The following ZFC3H1 variants were observed in gnomAD, a reference collection of about 807,000 sequenced individuals.
ZFC3H1 encodes the protein zinc finger C3H1 domain-containing protein.
ZFC3H1 carries 71 observed loss-of-function variants against 243.7 expected under a neutral mutation model. That is an observed-to-expected ratio of 0.29 (90% CI 0.24 to 0.36). The LOEUF (loss-of-function observed/expected upper bound fraction) is 0.36. Ranked by LOEUF, ZFC3H1 falls within the 10% of genes least tolerant of loss-of-function variation. The probability of loss-of-function intolerance (pLI) is 1.00; values close to 1 mark genes in which losing one functional copy is unlikely to be tolerated. For missense variants in ZFC3H1, 1,966 were observed against 2,317.1 expected, an observed-to-expected ratio of 0.85 and a Z score of 3.11; for synonymous variants, 838 against 813.0, an observed-to-expected ratio of 1.03 and a Z score of -0.52.
In ZFC3H1 at chr12:71,613,619, A is replaced by G. The variant is rs189313139; in HGVS notation, c.5527-184T>C. 8 of 483,392 alleles carry G rather than the reference A, an allele frequency of 1.7e-5. No individual in the cohort carries two copies. In the Admixed American group the frequency reaches 3.0e-4, roughly 18 times the overall value. 29.9% of individuals were successfully genotyped at this position (483,392 alleles called of 1,614,324 possible). A position where few individuals can be genotyped will look rare whatever the true frequency, so the allele number is the denominator to read the frequency against. On this transcript the variant is annotated intron_variant, in intron 30 of 34. Transcript: ENST00000378743. ...ATTAGTGACTTTCCAAATATGAATTAGGAAATATGGTCTAGTGATGAGAGC... is the reference window on the plus strand; with the variant it reads ...ATTAGTGACTTTCCAAATATGAATTGGGAAATATGGTCTAGTGATGAGAGC...
intron 24 of ZFC3H1, among the ~76,000 whole-genome samples, chr12:71,622,055 T>C (rs890686890): frequency 6.6e-6 from 1 of 152,212 alleles, no homozygotes; most frequent in African/African-American, 2.4e-5. Flanking sequence ...ATCACTACTA[T>C]TGTCCAGCAC....
At chr12:71,616,786 A>G (rs897131266) in intron 27 of ZFC3H1, among the ~76,000 whole-genome samples, 2 of 152,188 alleles carry the variant, frequency 1.3e-5, no homozygotes, top group East Asian at 3.9e-4. Context: ...GAAGAAATAG[A>G]ACATCTAGAA....
intron 1 of ZFC3H1, among the ~76,000 whole-genome samples, chr12:71,659,912 A>G (rs1342109303): frequency 6.6e-6 from 1 of 152,216 alleles, no homozygotes; most frequent in African/African-American, 2.4e-5. Context: ...TGAAAGTTTA[A>G]AAGAGTAGTC....
intron 10 of ZFC3H1, among the ~76,000 whole-genome samples, chr12:71,635,099 A>G (rs1880427816): frequency 6.6e-6 from 1 of 152,192 alleles, no homozygotes; most frequent in Non-Finnish European, 1.5e-5. Flanking sequence ...TAAAAGTTGT[A>G]CTTAGAGAAT....
Position 71,614,684 on chromosome 12 carries a change from T to C in ZFC3H1, c.5377A>G (p.Asn1793Asp). ...KIWMDYLVFA[N>D]NRAAGSRNKV... ...TTTCTGGATCCAGCAGCTCTATTAT[T>C]TGCAAAGACAAGATAACTGCCAAAA... The change falls in exon 30 of 35, where the codon AAT becomes GAT. Residue 1793 changes from asparagine (N) to aspartate (D), a missense_variant. Transcript: ENST00000378743. 1 of 1,606,102 alleles carries C rather than the reference T, an allele frequency of 6.2e-7. No homozygotes were observed. Among genetic ancestry groups the C allele is most frequent in the Non-Finnish European group, 8.5e-7 (1 of 1,177,776 alleles).
intron 24 of ZFC3H1, among the ~76,000 whole-genome samples, chr12:71,621,406 C>T (rs1880024332): frequency 6.6e-6 from 1 of 151,824 alleles, no homozygotes; most frequent in African/African-American, 2.4e-5. Flanking sequence ...TGGGTTCAGG[C>T]AATTATCCTG....
In ZFC3H1 at chr12:71,644,308, T is replaced by G. The variant is rs781580326; in HGVS notation, c.1290A>C (p.Ala430=). 1 of 1,612,720 alleles carries G rather than the reference T, an allele frequency of 6.2e-7. No individual in the cohort carries two copies. Among genetic ancestry groups the G allele is most frequent in the Non-Finnish European group, 8.5e-7 (1 of 1,179,750 alleles). Residue 430 remains alanine, a synonymous_variant, in exon 5 of 35, where the codon GCA becomes GCC. Coordinates refer to ENST00000378743, the MANE Select transcript of ZFC3H1 (RefSeq NM_144982.5). ...AKKVSTTAKQ[A]LRKQQTKAWK... ...ATGCCTTTGTTTGCTGCTTCCTCAA[T>G]GCTTGTTTAGCTTTAAATAAAAAAC...
At chr12:71,617,087 C>T (rs1242314645) in intron 27 of ZFC3H1, among the ~76,000 whole-genome samples, 1 of 152,156 alleles carries the variant, frequency 6.6e-6, no homozygotes, top group Non-Finnish European at 1.5e-5. Flanking sequence ...CAGAATTCAA[C>T]TCCAGGTAAA....
intron 6 of ZFC3H1, among the ~76,000 whole-genome samples, chr12:71,640,955 C>T (rs893076122): frequency 6.6e-6 from 1 of 151,688 alleles, no homozygotes; most frequent in African/African-American, 2.4e-5. Context: ...GTTTTTAATG[C>T]ACATTTCTTC....
At chr12:71,628,202 T>C (rs1398081227) in intron 20 of ZFC3H1, among the ~76,000 whole-genome samples, 1 of 152,216 alleles carries the variant, frequency 6.6e-6, no homozygotes, top group East Asian at 1.9e-4. Flanking sequence ...TGACATTACC[T>C]TTTCAGTCCA....
chr12:71,611,231 A>T (rs1879761115), intron 32 of ZFC3H1, 134 bp from the exon 33 acceptor site: 1 of 869,474 alleles, frequency 1.2e-6, no homozygotes, highest in Non-Finnish European at 1.6e-6. Flanking sequence ...CTGAAAGTTA[A>T]CAGGCTAAAC....
At chr12:71,638,543 T>A (rs762060189) in intron 6 of ZFC3H1, 28 bp from the exon 7 acceptor site, 33 of 1,531,584 alleles carry the variant, frequency 2.2e-5, no homozygotes, top group Admixed American at 3.9e-5. Context: ...GTTAAGAGTT[T>A]AATAACAGAA....
At chr12:71,614,307 T>C (rs546648274) in intron 30 of ZFC3H1, among the ~76,000 whole-genome samples, 1 of 152,034 alleles carries the variant, frequency 6.6e-6, no homozygotes, top group East Asian at 1.9e-4. Context: ...AAATGTTAAA[T>C]TTTCATAACC....
Position 71,633,349 on chromosome 12 carries a change from T to C in ZFC3H1, c.2600A>G (p.Lys867Arg). The C allele has an allele frequency of 6.2e-7, 1 of 1,603,820 alleles. No individual in the cohort carries two copies. Among genetic ancestry groups the C allele is most frequent in the Non-Finnish European group, 8.5e-7 (1 of 1,174,870 alleles). ...AAGCTGTTCTGTAAGTTTTGTAATC[T>C]TTGCTTCAGCATTTCTAACAGATTC... ...KKESVRNAEA[K>R]ITKLTEQLQA... The change falls in exon 13 of 35, where the codon AAG becomes AGG. Residue 867 changes from lysine to arginine, a missense_variant. Coordinates refer to ENST00000378743, the MANE Select transcript of ZFC3H1 (RefSeq NM_144982.5).
rs759547725 is a variant in ZFC3H1, at chr12:71,628,920, T to C, written c.3944A>G (p.Tyr1315Cys). 5 of 1,589,070 alleles carry C rather than the reference T, an allele frequency of 3.1e-6. No individual in the cohort carries two copies. Among genetic ancestry groups the C allele is most frequent in the Non-Finnish European group, 3.4e-6 (4 of 1,172,038 alleles). ...DEEQSTGPIK[Y>C]AFQPENQINV... ...TCTTAAATTACATAACTTCTTACCA[T>C]ACTTAATTGGTCCTGTAGACTGTTC... Residue 1315 changes from tyrosine (Y) to cysteine (C), a missense_variant and splice_region_variant, in exon 20 of 35, where the codon TAT becomes TGT. Physicochemically the swap from Tyr to Cys is radical, Grantham distance 194. This residue lies in a region of ZFC3H1 where 1,383 missense variants were observed against 1,723.7 expected (regional missense o/e 0.80). Transcript: ENST00000378743.
chr12:71,626,860 T>A (rs1387382201), intron 21 of ZFC3H1, among the ~76,000 whole-genome samples: 1 of 152,212 alleles, frequency 6.6e-6, no homozygotes, highest in Non-Finnish European at 1.5e-5. Flanking sequence ...GTATAATAGT[T>A]CTTTTCAACG....
At chr12:71,635,390 T>C (rs1231700834) in intron 10 of ZFC3H1, 53 bp downstream of exon 10, 23 of 1,533,278 alleles carry the variant, frequency 1.5e-5, no homozygotes, top group Non-Finnish European at 1.6e-5. Flanking sequence ...AAAATAAACT[T>C]TACTGATCAT....
intron 2 of ZFC3H1, among the ~76,000 whole-genome samples, chr12:71,650,406 T>C (rs983341576): frequency 8.5e-5 from 13 of 152,090 alleles, no homozygotes; most frequent in Admixed American, 2.0e-4. Flanking sequence ...ACCACTGTCA[T>C]AGGTCTGTAC....
chr12:71,638,459 G>A lies in ZFC3H1; in HGVS notation c.1684C>T (p.Pro562Ser). The A allele has an allele frequency of 6.2e-7, 1 of 1,613,132 alleles. No homozygotes were observed. Residue 562 changes from proline to serine, a missense_variant, in exon 7 of 35, where the codon CCA becomes TCA. Around this residue, in one of 4 missense-constraint regions of ZFC3H1, gnomAD observed 1,383 missense variants for 1,723.7 expected, o/e 0.80. Transcript: ENST00000378743. ...FSECSLGYFS[P>S]APSLSLPPPP... is the part of the protein sequence containing the mutation. The stretch of plus-strand genomic sequence containing the variant: ...GGAGGCAAAGAAAGAGATGGTGCTG[G>A]AGAAAAATACCCCAATGAACATTCA...
Sources: gnomAD v4.1 joint callset for allele counts (sites outside exome capture counted in the v4.1 genomes callset) on GRCh38, gnomAD v4.1.1 for gene constraint, gnomAD v4.1.1 regional missense constraint, MANE v1.5 for transcripts, NCBI Gene and HGNC (gene_info 2026-07-23, HGNC 2026-07-21) for gene names.